The following ASIC2 variants were observed in gnomAD, a reference collection of about 807,000 sequenced individuals.
The protein encoded by ASIC2 is acid sensing ion channel subunit 2.
ASIC2 carries 25 observed loss-of-function variants against 57.3 expected under a neutral mutation model. That is an observed-to-expected ratio of 0.44 (90% CI 0.32 to 0.61). The LOEUF (loss-of-function observed/expected upper bound fraction) is 0.61, where lower values mean the gene tolerates loss of function less well. ASIC2 is among the 20% of genes least tolerant of loss of function. The pLI is 0.06. For missense variants in ASIC2, 641 were observed against 738.1 expected (o/e 0.87, Z 1.52); for synonymous variants, 319 against 307.5 (o/e 1.04, Z -0.39).
At chr17:33,797,499 ATTG>A (rs1264928922) in intron 1 of ASIC2, among the ~76,000 whole-genome samples, 4 of 152,244 alleles carry the variant, frequency 2.6e-5, no homozygotes, top group African/African-American at 7.2e-5. Context: ...TTATCTTATA[ATTG>A]TTGTTGTCAT....
intron 1 of ASIC2, among the ~76,000 whole-genome samples, chr17:33,726,550 A>G (rs1331043413): frequency 2.0e-5 from 3 of 152,166 alleles, no homozygotes; most frequent in Non-Finnish European, 1.5e-5. Context: ...TCAGGCTTTG[A>G]TAAGTTTCAT....
intron 1 of ASIC2, chr17:34,070,924 T>C (rs1474115613): frequency 2.0e-5 from 3 of 152,242 alleles, no homozygotes; most frequent in Non-Finnish European, 2.9e-5. Flanking sequence ...AAGCTGATGA[T>C]GGATGAGTTG....
At chr17:33,888,041 C>A (rs557213065) in intron 1 of ASIC2, among the ~76,000 whole-genome samples, 2 of 152,128 alleles carry the variant, frequency 1.3e-5, no homozygotes, top group African/African-American at 2.4e-5. Context: ...CATCCTAAAT[C>A]GGGGCCCATC....
intron 1 of ASIC2, among the ~76,000 whole-genome samples, chr17:33,472,285 G>T (rs930172665): frequency 6.6e-6 from 1 of 152,162 alleles, no homozygotes; most frequent in Non-Finnish European, 1.5e-5. Flanking sequence ...CTTCCAAAGT[G>T]CTGGGATTAC....
chr17:33,944,013 C>T (rs1163583693), intron 1 of ASIC2, among the ~76,000 whole-genome samples: 1 of 151,956 alleles, frequency 6.6e-6, no homozygotes, highest in Non-Finnish European at 1.5e-5. Flanking sequence ...GAAGGCGGAT[C>T]CTAGATAGGA....
intron 1 of ASIC2, among the ~76,000 whole-genome samples, chr17:33,492,428 G>A (rs1445416904): frequency 6.6e-6 from 1 of 152,232 alleles, no homozygotes; most frequent in Non-Finnish European, 1.5e-5. Context: ...CTAAGAGGAA[G>A]TGTGTACGAA....
chr17:33,094,030 T>C (rs1480747198), intron 2 of ASIC2, among the ~76,000 whole-genome samples: 4 of 152,116 alleles, frequency 2.6e-5, no homozygotes, highest in Non-Finnish European at 4.4e-5. Context: ...TGGCCAGCCA[T>C]ATAAGGGGCA....
At chr17:33,681,555 A>G (rs1313786798) in intron 1 of ASIC2, among the ~76,000 whole-genome samples, 2 of 152,180 alleles carry the variant, frequency 1.3e-5, no homozygotes, top group East Asian at 3.8e-4. Context: ...CATTTCAAAG[A>G]TTCCCCATAA....
chr17:33,575,935 T>C (rs191839949), intron 1 of ASIC2, among the ~76,000 whole-genome samples: 249 of 152,282 alleles, frequency 1.6e-3, no homozygotes, highest in African/African-American at 5.8e-3. Flanking sequence ...TGCCTGTAAT[T>C]AGTTGTTAAC....
In ASIC2 at chr17:33,068,962, A is replaced by G. The variant is rs946300697; in HGVS notation, c.987+19901T>C. ...TTAAGACTTTTCTTCTTTTCCTAAT[A>G]TAGGTATTTAATTCTGTAAATTTAC... On this transcript the variant is annotated intron_variant, in intron 3 of 9. Coordinates refer to ENST00000225823, the MANE Select transcript of ASIC2 (RefSeq NM_183377.2). Among the ~76,000 whole-genome samples the G allele has an allele frequency of 3.9e-5, 6 of 152,084 alleles. No individual in the cohort carries two copies. In the East Asian group the frequency reaches 1.2e-3, roughly 29 times the overall value.
intron 1 of ASIC2, among the ~76,000 whole-genome samples, chr17:33,587,041 A>G (rs1904662503): frequency 6.6e-6 from 1 of 152,196 alleles, no homozygotes; most frequent in South Asian, 2.1e-4. Context: ...TTCACAAACT[A>G]TGGCTCATGA....
At chr17:33,742,746 C>T (rs1315962950) in intron 1 of ASIC2, among the ~76,000 whole-genome samples, 1 of 152,196 alleles carries the variant, frequency 6.6e-6, no homozygotes, top group African/African-American at 2.4e-5. Context: ...TTGGTCACAA[C>T]TGAAGACACT....
intron 1 of ASIC2, among the ~76,000 whole-genome samples, chr17:34,106,892 C>T (rs1208696137): frequency 1.3e-5 from 2 of 152,056 alleles, no homozygotes; most frequent in Non-Finnish European, 2.9e-5. Flanking sequence ...ATTATGGGTG[C>T]TATTTATACT....
At chr17:33,948,001 T>C (rs1312284017) in intron 1 of ASIC2, among the ~76,000 whole-genome samples, 2 of 152,226 alleles carry the variant, frequency 1.3e-5, no homozygotes, top group African/African-American at 2.4e-5. Context: ...TTTTGCAGAA[T>C]AGGATGTGAA....
At position 33,508,837 on chromosome 17, in the gene ASIC2, C is replaced by A. The variant is rs557499195; in HGVS notation, c.556-396770G>T. Among the ~76,000 whole-genome samples the A allele has an allele frequency of 1.9e-3, 286 of 152,324 alleles. 1 individual carries two copies. Among genetic ancestry groups the A allele is most frequent in the Non-Finnish European group, 3.5e-3 (235 of 68,036 alleles). ...AGCTCCCATCACTCACCAGCACCAT[C>A]ATCTCCAGAAAAAGCCCTGTCAATA... On this transcript the variant is annotated intron_variant, in intron 1 of 9. Coordinates refer to the ASIC2 transcript ENST00000359872.
At chr17:33,141,978 G>A (rs1450595988) in intron 1 of ASIC2, among the ~76,000 whole-genome samples, 2 of 152,138 alleles carry the variant, frequency 1.3e-5, no homozygotes, top group Non-Finnish European at 2.9e-5. Context: ...AAATGAAATC[G>A]TATCTATGTT....
intron 1 of ASIC2, among the ~76,000 whole-genome samples, chr17:33,466,335 A>G (rs1597738599): frequency 6.6e-6 from 1 of 152,194 alleles, no homozygotes. Context: ...TCAACGAAAT[A>G]AAAAAGGACA....
chr17:33,486,303 G>A (rs1307176088), intron 1 of ASIC2, among the ~76,000 whole-genome samples: 1 of 152,186 alleles, frequency 6.6e-6, no homozygotes, highest in African/African-American at 2.4e-5. Flanking sequence ...TGCCCCCAAA[G>A]TTCAGAGATG....
At chr17:34,151,467 G>A (rs1388988975) in intron 1 of ASIC2, among the ~76,000 whole-genome samples, 2 of 152,158 alleles carry the variant, frequency 1.3e-5, no homozygotes, top group Non-Finnish European at 2.9e-5. Flanking sequence ...CTGTGCACAG[G>A]GTGCATAGGT....
Sources: gnomAD v4.1 joint callset for allele counts (sites outside exome capture counted in the v4.1 genomes callset) on GRCh38, gnomAD v4.1.1 for gene constraint, MANE v1.5 for transcripts, NCBI Gene and HGNC (gene_info 2026-07-23, HGNC 2026-07-21) for gene names.